CCDC125: variants seen among roughly 807,000 people sequenced by gnomAD.
CCDC125 encodes coiled-coil domain containing 125.
Under a neutral mutation model 57.4 loss-of-function variants are expected in CCDC125, and 43 were observed. The observed-to-expected ratio is 0.75, with a 90% CI of 0.59 to 0.97. The LOEUF (loss-of-function observed/expected upper bound fraction) is 0.97. Among genes scored for constraint, CCDC125 ranks in the 50% least tolerant of loss-of-function variants. The pLI is 0.00. For missense variants in CCDC125, 563 were observed against 595.7 expected (o/e 0.95, Z 0.57); for synonymous variants, 187 against 195.2 (o/e 0.96, Z 0.35).
intron 2 of CCDC125, among the ~76,000 whole-genome samples, chr5:69,317,596 A>G (rs762309509): frequency 3.3e-5 from 5 of 152,172 alleles, no homozygotes; most frequent in Non-Finnish European, 7.3e-5. Flanking sequence ...AAGTTTTACA[A>G]CATAGATTAC....
chr5:69,283,700 C>T (rs1752828059), intron 11 of CCDC125, among the ~76,000 whole-genome samples: 1 of 151,074 alleles, frequency 6.6e-6, no homozygotes, highest in African/African-American at 2.4e-5. Flanking sequence ...TTTTTGTAGG[C>T]TGGTCTCGAA....
At chr5:69,299,785 CG>C (rs1756069941) in intron 8 of CCDC125, among the ~76,000 whole-genome samples, 1 of 152,162 alleles carries the variant, frequency 6.6e-6, no homozygotes, top group African/African-American at 2.4e-5. Context: ...GAGAAATAAA[CG>C]GGGCAGAAGT....
At chr5:69,292,625 C>T (rs191695450) in intron 9 of CCDC125, among the ~76,000 whole-genome samples, 6 of 152,200 alleles carry the variant, frequency 3.9e-5, no homozygotes, top group African/African-American at 1.4e-4. Flanking sequence ...CCCATGCAGG[C>T]CCTGTGTGTG....
At chr5:69,308,059 A>G in intron 4 of CCDC125, 31 bp from the exon 5 acceptor site, 1 of 1,494,766 alleles carries the variant, frequency 6.7e-7, no homozygotes, top group Non-Finnish European at 9.3e-7. Flanking sequence ...ATCAGTATAA[A>G]TTAAATTTGT....
At chr5:69,307,368 TA>T (rs59632565) in intron 5 of CCDC125, among the ~76,000 whole-genome samples, 2,306 of 150,462 alleles carry the variant, frequency 0.015, 55 homozygotes, top group African/African-American at 0.05. Flanking sequence ...GATAAGGATT[TA>T]AAAAAAAAAA....
intron 3 of CCDC125, among the ~76,000 whole-genome samples, chr5:69,311,873 G>T (rs1355512990): frequency 6.6e-6 from 1 of 151,928 alleles, no homozygotes; most frequent in African/African-American, 2.4e-5. Context: ...AGCTGGGATT[G>T]CAGGCATGTG....
At chr5:69,276,983 CT>C (rs1752218566), downstream of CCDC125, 1 of 820,536 alleles carries the variant, frequency 1.2e-6, no homozygotes, top group Non-Finnish European at 1.9e-6. Flanking sequence ...ACAAGTGCTA[CT>C]GGAAAAAATG....
downstream of CCDC125, among the ~76,000 whole-genome samples, chr5:69,278,189 C>T (rs981439049): frequency 7.4e-5 from 11 of 148,570 alleles, no homozygotes; most frequent in Non-Finnish European, 1.6e-4. Flanking sequence ...GCCAGAGGTT[C>T]CCTCTTAAAA....
chr5:69,331,177 C>A (rs1334831675), intron 1 of CCDC125, among the ~76,000 whole-genome samples: 1 of 151,124 alleles, frequency 6.6e-6, no homozygotes, highest in Non-Finnish European at 1.5e-5. Flanking sequence ...GTGGCGGGCG[C>A]CTTTAATCCC....
intron 1 of CCDC125, among the ~76,000 whole-genome samples, chr5:69,325,985 A>G (rs1221169090): frequency 6.6e-6 from 1 of 152,044 alleles, no homozygotes; most frequent in East Asian, 1.9e-4. Flanking sequence ...CTGGGACTAC[A>G]GATGTGTACC....
At chr5:69,288,289 G>A (rs1057317498) in intron 10 of CCDC125, among the ~76,000 whole-genome samples, 3 of 152,124 alleles carry the variant, frequency 2.0e-5, no homozygotes, top group Non-Finnish European at 4.4e-5. Flanking sequence ...GTTGCCAGGG[G>A]AACCAATCTT....
chr5:69,327,235 C>T (rs917145189), intron 1 of CCDC125, among the ~76,000 whole-genome samples: 4 of 151,796 alleles, frequency 2.6e-5, no homozygotes, highest in Admixed American at 6.6e-5. Flanking sequence ...GTTGGGACTA[C>T]AGGTGCCCGC....
At chr5:69,313,521 ATTGATCATT>A in intron 3 of CCDC125, 1 of 840,874 alleles carries the variant, frequency 1.2e-6, no homozygotes. Context: ...TGGAGCTGGC[ATTGATCATT>A]TTGCTCTTAA....
In CCDC125 at chr5:69,315,559, C is replaced by G. The variant is rs575266602; in HGVS notation, c.305-1513G>C. ...ATCATCTGAGATCAGGAGTTCTAGA[C>G]CAGCCTGGCCTACATGGTGAAACTC... On this transcript the variant is annotated intron_variant, in intron 2 of 11. Coordinates refer to ENST00000396496, the MANE Select transcript of CCDC125 (RefSeq NM_176816.5). Among the ~76,000 whole-genome samples the G allele has an allele frequency of 2.7e-5, 4 of 149,648 alleles. No homozygotes were observed. In the South Asian group the frequency reaches 8.5e-4, roughly 32 times the overall value.
intron 2 of CCDC125, 71 bp from the exon 3 acceptor site, chr5:69,314,117 A>C: frequency 1.9e-6 from 2 of 1,057,408 alleles, no homozygotes; most frequent in Non-Finnish European, 2.9e-6. Context: ...AACATAGGAC[A>C]TTTGTTTACA....
intron 9 of CCDC125, among the ~76,000 whole-genome samples, chr5:69,292,613 A>G (rs1337030642): frequency 6.6e-6 from 1 of 151,848 alleles, no homozygotes; most frequent in Non-Finnish European, 1.5e-5. Context: ...GGACCTCACT[A>G]CCCCATGCAG....
At chr5:69,320,080 G>C (rs972399882) in intron 2 of CCDC125, among the ~76,000 whole-genome samples, 157 bp downstream of exon 2, 1 of 152,042 alleles carries the variant, frequency 6.6e-6, no homozygotes, top group Admixed American at 6.6e-5. Flanking sequence ...GAGATCGCGT[G>C]CCACTGCACT....
At chr5:69,297,856 G>A (rs1173308582) in intron 8 of CCDC125, among the ~76,000 whole-genome samples, 1 of 150,988 alleles carries the variant, frequency 6.6e-6, no homozygotes, top group East Asian at 2.0e-4. Flanking sequence ...GTAGTCCCAG[G>A]TACTTGGCTG....
At chr5:69,276,155 A>AG (rs1752115829), downstream of CCDC125, among the ~76,000 whole-genome samples, 1 of 152,090 alleles carries the variant, frequency 6.6e-6, no homozygotes, top group South Asian at 2.1e-4. Context: ...CAGCCTCCCG[A>AG]GTAGTGGGGA....
Sources: allele counts gnomAD v4.1 joint callset (sites outside exome capture counted in the v4.1 genomes callset), GRCh38; gene constraint gnomAD v4.1.1; transcripts MANE v1.5; gene names NCBI Gene and HGNC (gene_info 2026-07-23, HGNC 2026-07-21).